Variants in SLC38A1 observed in about 807,000 individuals in gnomAD.
SLC38A1 encodes the protein solute carrier family 38 member 1.
SLC38A1 carries 18 observed loss-of-function variants against 60.3 expected under a neutral mutation model. That is an observed-to-expected ratio of 0.30 (90% CI 0.21 to 0.44). The LOEUF (loss-of-function observed/expected upper bound fraction) is 0.44. SLC38A1 is among the 20% of genes least tolerant of loss of function. SLC38A1 has a pLI of 1.00. For synonymous variants in SLC38A1, 196 were observed against 212.1 expected (o/e 0.92, Z 0.66); for missense variants, 448 against 587.2 (o/e 0.76, Z 2.45).
At chr12:46,203,648 T>C (rs1441217828) in intron 11 of SLC38A1, among the ~76,000 whole-genome samples, 1 of 152,238 alleles carries the variant, frequency 6.6e-6, no homozygotes, top group African/African-American at 2.4e-5. Flanking sequence ...CTATTTAGTT[T>C]TCTTAGATAA....
At position 46,185,705 on chromosome 12, in the gene SLC38A1, G is replaced by A. The variant is rs1382157614; in HGVS notation, c.*3265C>T. The A allele has an allele frequency of 2.0e-5, 3 of 151,892 alleles. No homozygotes were observed. The highest frequency in any genetic ancestry group is 7.3e-5 in the African/African-American group (3 of 41,324). The allele number at this position is 151,892 out of a possible 1,614,324, so 9.4% of individuals were successfully genotyped here. Reference sequence around the variant, plus strand: ...AAGGCACACCAAGCCTGAACCCTCCGGACAACAGCAGAGTTACCAGCTGAG... The same window carrying A: ...AAGGCACACCAAGCCTGAACCCTCCAGACAACAGCAGAGTTACCAGCTGAG... On this transcript the variant is annotated 3_prime_UTR_variant, in exon 17 of 17. Coordinates refer to ENST00000398637, the MANE Select transcript of SLC38A1 (RefSeq NM_030674.4).
rs1038176752 is a variant in SLC38A1 at position 46,187,650 on chromosome 12, T to C, written c.*1320A>G. The C allele has an allele frequency of 2.6e-5, 4 of 152,144 alleles. No individual in the cohort carries two copies. Among genetic ancestry groups the C allele is most frequent in the African/African-American group, 9.7e-5 (4 of 41,422 alleles). The allele number at this position is 152,144 out of a possible 1,614,324, so 9.4% of individuals were successfully genotyped here. ...CATGGACAGTTGAGACGGGCAGTAA[T>C]GGCACAGTCCTTGGTTGGGGAAGAG... On this transcript the variant is annotated 3_prime_UTR_variant, in exon 17 of 17. Coordinates refer to ENST00000398637, the MANE Select transcript of SLC38A1 (RefSeq NM_030674.4).
chr12:46,223,776 A>C (rs1347401478), intron 5 of SLC38A1, among the ~76,000 whole-genome samples: 1 of 152,234 alleles, frequency 6.6e-6, no homozygotes, highest in Non-Finnish European at 1.5e-5. Context: ...AGTGTCGTGA[A>C]TTCTACTTTT....
intron 3 of SLC38A1, among the ~76,000 whole-genome samples, chr12:46,230,626 T>C (rs2137965856): frequency 6.6e-6 from 1 of 152,294 alleles, no homozygotes; most frequent in Admixed American, 6.5e-5. Flanking sequence ...TGGGAACAAT[T>C]CAGCCAGGCT....
At chr12:46,253,399 G>A (rs1000533139) in intron 1 of SLC38A1, among the ~76,000 whole-genome samples, 1 of 152,210 alleles carries the variant, frequency 6.6e-6, no homozygotes, top group African/African-American at 2.4e-5. Context: ...GTTATTTGTT[G>A]ATGATATGCT....
intron 5 of SLC38A1, among the ~76,000 whole-genome samples, chr12:46,218,707 C>T (rs747879458): frequency 5.3e-5 from 8 of 151,960 alleles, no homozygotes; most frequent in East Asian, 3.9e-4. Flanking sequence ...TGTGGGAGAC[C>T]GGAGTTTTAT....
chr12:46,198,480 AC>A, intron 14 of SLC38A1, 144 bp downstream of exon 14: 1 of 587,362 alleles, frequency 1.7e-6, no homozygotes. Context: ...AAGAGCCTGA[AC>A]CGAGTCTTGG....
intron 1 of SLC38A1, among the ~76,000 whole-genome samples, chr12:46,252,690 T>G (rs1487538684): frequency 2.0e-5 from 3 of 151,508 alleles, no homozygotes; most frequent in Admixed American, 2.0e-4. Context: ...TGATCACTCA[T>G]ATATATATAT....
In SLC38A1 at chr12:46,188,094, A is replaced by G. The variant is rs1939000791; in HGVS notation, c.*876T>C. On this transcript the variant is annotated 3_prime_UTR_variant, in exon 17 of 17. Transcript: ENST00000398637. ...ACAGGTAGGGTTGAAGGCTAAATGC[A>G]TCAGAGGAGTATTTTCTTAGGCATT... is the stretch of plus-strand genomic sequence containing the variant. 1 of 152,174 alleles carries G rather than the reference A, an allele frequency of 6.6e-6. No homozygotes were observed. The highest frequency in any genetic ancestry group is 6.6e-5 in the Admixed American group (1 of 15,266). The allele number at this position is 152,174 out of a possible 1,614,324, so 9.4% of individuals were successfully genotyped here. A position where few individuals can be genotyped will look rare whatever the true frequency, so the allele number is the denominator to read the frequency against.
chr12:46,209,004 A>G (rs1335597840), intron 6 of SLC38A1, 50 bp downstream of exon 6: 1 of 1,287,136 alleles, frequency 7.8e-7, no homozygotes, highest in Non-Finnish European at 1.1e-6. Context: ...ATGCTACCAT[A>G]AAAATAATTC....
intron 12 of SLC38A1, 44 bp downstream of exon 12, chr12:46,202,966 G>A (rs773569142): frequency 7.0e-7 from 1 of 1,437,456 alleles, no homozygotes; most frequent in Non-Finnish European, 9.8e-7. Context: ...TATTAATGAG[G>A]GGATGTAAAA....
chr12:46,193,161 C>A (rs1313505245), intron 16 of SLC38A1, among the ~76,000 whole-genome samples: 3 of 152,118 alleles, frequency 2.0e-5, no homozygotes, highest in East Asian at 1.9e-4. Context: ...CAAAGAACAT[C>A]TTTATTTGTG....
chr12:46,238,521 A>G (rs1941334811), intron 3 of SLC38A1, among the ~76,000 whole-genome samples: 1 of 152,162 alleles, frequency 6.6e-6, no homozygotes, highest in Admixed American at 6.5e-5. Context: ...CCCAAAGTAT[A>G]ACATTGTAGG....
chr12:46,204,040 C>T (rs1939779466), intron 11 of SLC38A1, among the ~76,000 whole-genome samples: 1 of 152,152 alleles, frequency 6.6e-6, no homozygotes, highest in African/African-American at 2.4e-5. Flanking sequence ...TGAAGTATCA[C>T]CTAGCACTCT....
intron 11 of SLC38A1, among the ~76,000 whole-genome samples, chr12:46,203,881 G>T (rs2137117256): frequency 6.6e-6 from 1 of 152,284 alleles, no homozygotes; most frequent in Middle Eastern, 3.4e-3. Flanking sequence ...GTTTCCCATT[G>T]TATCAACAAT....
intron 1 of SLC38A1, among the ~76,000 whole-genome samples, chr12:46,243,946 G>A (rs147387785): frequency 8.5e-5 from 13 of 152,242 alleles, no homozygotes; most frequent in East Asian, 1.9e-4. Context: ...ACTGCATGGC[G>A]TTATAGATCA....
rs755453010 is a variant in SLC38A1 at position 46,197,974 on chromosome 12, A to G, written c.1209T>C (p.Val403=). The change falls in exon 15 of 17, where the codon GTT becomes GTC. Residue 403 remains valine, a synonymous_variant. Coordinates refer to ENST00000398637, the MANE Select transcript of SLC38A1 (RefSeq NM_030674.4). The part of the protein sequence containing the change: ...HTVVTCILLV[V]INLLVIFIPS... ...GTATGAAGATCACCAACAAGTTGATAACAACCAAGAGTATGCAGGTAACCA... is the reference window on the plus strand; with the variant it reads ...GTATGAAGATCACCAACAAGTTGATGACAACCAAGAGTATGCAGGTAACCA... The G allele has an allele frequency of 4.3e-6, 7 of 1,614,002 alleles. No homozygotes were observed. The East Asian group carries it at 1.3e-4, about 31-fold the overall frequency.
intron 3 of SLC38A1, among the ~76,000 whole-genome samples, chr12:46,230,168 G>T (rs1220901441): frequency 6.6e-6 from 1 of 152,146 alleles, no homozygotes; most frequent in Admixed American, 6.5e-5. Context: ...TTGTTAAATA[G>T]AAATTCCCTC....
At chr12:46,195,921 G>A (rs747748009) in intron 16 of SLC38A1, 59 of 411,362 alleles carry the variant, frequency 1.4e-4, no homozygotes, top group Admixed American at 4.9e-4. Context: ...GTGAGGTGAC[G>A]CCCCACCTTG....
Sources: gnomAD v4.1 joint callset for allele counts (sites outside exome capture counted in the v4.1 genomes callset) on GRCh38, gnomAD v4.1.1 for gene constraint, MANE v1.5 for transcripts, NCBI Gene and HGNC (gene_info 2026-07-23, HGNC 2026-07-21) for gene names.